Variants in TMEM200B observed in about 807,000 individuals in gnomAD.
The protein encoded by TMEM200B is transmembrane protein TTMA.
Under a neutral mutation model 17.6 loss-of-function variants are expected in TMEM200B, and 12 were observed. The ratio of observed to expected loss-of-function variants is 0.68; its 90% CI spans 0.44 to 1.11. The LOEUF is 1.11. TMEM200B is among the 50% of genes least tolerant of loss of function. The pLI is 0.00. For missense variants in TMEM200B, 456 were observed against 447.6 expected (o/e 1.02, Z -0.17); for synonymous variants, 234 against 209.2 (o/e 1.12, Z -1.02).
rs1574166355 is a variant in TMEM200B at position 29,120,797 on chromosome 1, C to T, written c.*108G>A. 6 of 1,355,038 alleles carry T rather than the reference C, an allele frequency of 4.4e-6. No individual in the cohort carries two copies. The Admixed American group carries it at 1.4e-4, about 32-fold the overall frequency. 83.9% of individuals were successfully genotyped at this position (1,355,038 alleles called of 1,614,324 possible). On this transcript the variant is annotated 3_prime_UTR_variant, in exon 2 of 2. Coordinates refer to ENST00000521452, the MANE Select transcript of TMEM200B (RefSeq NM_001003682.4). Reference sequence around the variant, plus strand: ...CTGCTGTGGTCAGAGCATCCATCCCCAGCCTGGGATGTGACTGAAACATCT... The same window carrying T: ...CTGCTGTGGTCAGAGCATCCATCCCTAGCCTGGGATGTGACTGAAACATCT...
rs1419003183 is a variant in TMEM200B, at chr1:29,121,330, A to G, written c.499T>C (p.Cys167Arg). 6.3e-7 allele frequency: 1 copy of G among 1,583,876 alleles called. No individual in the cohort carries two copies. The highest frequency in any genetic ancestry group is 8.6e-7 in the Non-Finnish European group (1 of 1,166,510). ...LRPPDGPGWD[C>R]ALLPSPGPRS... ...GGGCCGGGGCTGGGAAGGAGGGCGC[A>G]GTCCCAGCCCGGGCCGTCGGGGGGC... The change falls in exon 2 of 2, where the codon TGC becomes CGC. Residue 167 changes from cysteine to arginine, a missense_variant. Cys to Arg is a radical substitution (Grantham distance 180). Transcript: ENST00000521452. This position sits in a 1 kb window ranked among gnomAD's most constrained non-coding sequence, Gnocchi z 5.6.
chr1:29,122,912 C>G (rs1056482802), intron 1 of TMEM200B, among the ~76,000 whole-genome samples: 5 of 152,066 alleles, frequency 3.3e-5, no homozygotes, highest in Admixed American at 1.3e-4. Context: ...ATCCCGGGCC[C>G]AGCAGGAGTA....
intron 1 of TMEM200B, among the ~76,000 whole-genome samples, chr1:29,123,005 G>A (rs890451129): frequency 5.3e-5 from 8 of 152,214 alleles, no homozygotes; most frequent in African/African-American, 1.9e-4. Context: ...CCAGGCCGCA[G>A]GAGAGGAGGC....
At chr1:29,122,239 C>G (rs1371366795) in intron 1 of TMEM200B, 1 of 152,748 alleles carries the variant, frequency 6.5e-6, no homozygotes, top group East Asian at 1.9e-4. Context: ...GTAAGTACCT[C>G]CCGGGCTCGA....
chr1:29,122,075 A>G (rs1671828667), intron 1 of TMEM200B, among the ~76,000 whole-genome samples: 1 of 151,966 alleles, frequency 6.6e-6, no homozygotes, highest in Non-Finnish European at 1.5e-5. Flanking sequence ...CAGAAGCCGG[A>G]GTTGGCCCGG....
At chr1:29,122,314 G>A in intron 1 of TMEM200B, 1 of 153,106 alleles carries the variant, frequency 6.5e-6, no homozygotes, top group Non-Finnish European at 1.5e-5. Context: ...TCCCAGGTCC[G>A]CAGGGGTCGC....
At chr1:29,122,863 C>CGGGAG (rs2151803868) in intron 1 of TMEM200B, among the ~76,000 whole-genome samples, 1 of 152,382 alleles carries the variant, frequency 6.6e-6, no homozygotes, top group Non-Finnish European at 1.5e-5. Context: ...TAAGCCCTCC[C>CGGGAG]GATTGCTGGC....
chr1:29,122,962 C>T (rs186848552), intron 1 of TMEM200B, among the ~76,000 whole-genome samples: 2 of 152,334 alleles, frequency 1.3e-5, no homozygotes, highest in East Asian at 3.9e-4. Flanking sequence ...AAAGGGAGGG[C>T]GAGGGAGAAG....
In TMEM200B at chr1:29,119,816, G is replaced by A. The variant is rs1054159646; in HGVS notation, c.*1089C>T. 5.6e-5 allele frequency: 3 copies of A among 53,522 alleles called. No homozygotes were observed. The highest frequency in any genetic ancestry group is 1.8e-4 in the Non-Finnish European group (3 of 16,732). The allele number at this position is 53,522 out of a possible 1,614,324, so 3.3% of individuals were successfully genotyped here. On this transcript the variant is annotated 3_prime_UTR_variant, in exon 2 of 2. Transcript: ENST00000521452. ...TTGGTGACAAAAATGAAGGAGCTTT[G>A]TAAATTTTTTTTAAAATTATGAATC... is the stretch of plus-strand genomic sequence containing the variant.
chr1:29,121,696 G>A lies in TMEM200B; in HGVS notation c.133C>T (p.Arg45Trp), dbSNP rs1283966784. 8 of 1,300,578 alleles carry A rather than the reference G, an allele frequency of 6.2e-6. No individual in the cohort carries two copies. In the African/African-American group the frequency reaches 1.1e-4, roughly 18 times the overall value. The allele number at this position is 1,300,578 out of a possible 1,614,324, so 80.6% of individuals were successfully genotyped here. A position where few individuals can be genotyped will look rare whatever the true frequency, so the allele number is the denominator to read the frequency against. Reference sequence around the variant, plus strand: ...CCCGACGGCGAGCGCAGCCGCAGCCGCGCCCGCACCCGCAGAGGCTCGGGC... The same window carrying A: ...CCCGACGGCGAGCGCAGCCGCAGCCACGCCCGCACCCGCAGAGGCTCGGGC... ...SPPEPLRVRARLRLRSPSGAF... is the reference protein window; with the variant it reads ...SPPEPLRVRAWLRLRSPSGAF... Residue 45 changes from arginine to tryptophan, a missense_variant, in exon 2 of 2, where the codon CGG becomes TGG. Physicochemically the swap from Arg to Trp is moderately radical, Grantham distance 101. Transcript: ENST00000521452. This position sits in a 1 kb window ranked among gnomAD's most constrained non-coding sequence, Gnocchi z 5.6.
At position 29,121,668 on chromosome 1, in the gene TMEM200B, G is replaced by C. The variant is rs985744090; in HGVS notation, c.161C>G (p.Ala54Gly). 2 of 1,383,952 alleles carry C rather than the reference G, an allele frequency of 1.4e-6. No homozygotes were observed. Among genetic ancestry groups the C allele is most frequent in the Non-Finnish European group, 1.9e-6 (2 of 1,070,982 alleles). The allele number at this position is 1,383,952 out of a possible 1,614,324, so 85.7% of individuals were successfully genotyped here. ...ARLRLRSPSG[A>G]FAALGALVVL... ...CACGAGCGCCCCCAGCGCCGCGAAC[G>C]CCCCCGACGGCGAGCGCAGCCGCAG... Residue 54 changes from alanine (A) to glycine (G), a missense_variant, in exon 2 of 2, where the codon GCG becomes GGG. Coordinates refer to ENST00000521452, the MANE Select transcript of TMEM200B (RefSeq NM_001003682.4). This position sits in a 1 kb window ranked among gnomAD's most constrained non-coding sequence, Gnocchi z 5.6.
At position 29,120,143 on chromosome 1, in the gene TMEM200B, A is replaced by G. The variant is rs575710; in HGVS notation, c.*762T>C. 19,381 of 152,580 alleles carry G rather than the reference A, an allele frequency of 0.13. 1,756 individuals carry two copies. Among genetic ancestry groups the G allele is most frequent in the African/African-American group, 0.26 (10,924 of 41,486 alleles). 9.5% of individuals were successfully genotyped at this position (152,580 alleles called of 1,614,324 possible). ...GAGACCTAAACTCAAGTCATTTTCTAAAGTAAGTTACCCACATTGACCAAA... is the reference window on the plus strand; with the variant it reads ...GAGACCTAAACTCAAGTCATTTTCTGAAGTAAGTTACCCACATTGACCAAA... On this transcript the variant is annotated 3_prime_UTR_variant, in exon 2 of 2. Coordinates refer to ENST00000521452, the MANE Select transcript of TMEM200B (RefSeq NM_001003682.4).
In TMEM200B at chr1:29,121,103, G is replaced by T; in HGVS notation, c.726C>A (p.Gly242=). The change falls in exon 2 of 2, where the codon GGC becomes GGA. Residue 242 remains glycine, a synonymous_variant. Coordinates refer to ENST00000521452, the MANE Select transcript of TMEM200B (RefSeq NM_001003682.4). The surrounding 1 kb of genome is among the most constrained non-coding windows in gnomAD (Gnocchi z 5.6). ...ACGGCTGCACGGTGATGATCACATG[G>T]CCAGTCTGCGTCCGTGGACCCCAGG... is the stretch of plus-strand genomic sequence containing the variant. The part of the protein sequence containing the change: ...PPPWGPRTQT[G]HVIITVQPSG... 1 of 1,613,876 alleles carries T rather than the reference G, an allele frequency of 6.2e-7. No individual in the cohort carries two copies. The highest frequency in any genetic ancestry group is 8.5e-7 in the Non-Finnish European group (1 of 1,180,028).
At chr1:29,122,110 G>T (rs1162583569) in intron 1 of TMEM200B, among the ~76,000 whole-genome samples, 1 of 152,178 alleles carries the variant, frequency 6.6e-6, no homozygotes, top group Non-Finnish European at 1.5e-5. Context: ...GGAGGGAGGG[G>T]GGCGCAGGCT....
In TMEM200B at chr1:29,119,967, G is replaced by C. The variant is rs994910184; in HGVS notation, c.*938C>G. Reference sequence around the variant, plus strand: ...TGTTTTGGCCTTTCGTAGTAGAAGTGGTTGTAGTGTTTAGATATCTGTTTG... The same window carrying C: ...TGTTTTGGCCTTTCGTAGTAGAAGTCGTTGTAGTGTTTAGATATCTGTTTG... On this transcript the variant is annotated 3_prime_UTR_variant, in exon 2 of 2. Transcript: ENST00000521452. 3.3e-5 allele frequency: 5 copies of C among 152,592 alleles called. No homozygotes were observed. The highest frequency in any genetic ancestry group is 7.3e-5 in the Non-Finnish European group (5 of 68,036). 9.5% of individuals were successfully genotyped at this position (152,592 alleles called of 1,614,324 possible).
chr1:29,123,335 G>C (rs1182489362), intron 1 of TMEM200B, among the ~76,000 whole-genome samples: 1 of 152,310 alleles, frequency 6.6e-6, no homozygotes, highest in Admixed American at 6.5e-5. Flanking sequence ...CCGGGCTCCG[G>C]GGCCCCAGCC....
intron 1 of TMEM200B, 45 bp downstream of exon 1, chr1:29,123,811 T>A (rs943562765): frequency 6.6e-6 from 1 of 150,924 alleles, no homozygotes; most frequent in African/African-American, 2.4e-5. Context: ...AAACGAAAAG[T>A]TGGGAAAAGT....
chr1:29,123,567 G>A (rs996957449), intron 1 of TMEM200B, among the ~76,000 whole-genome samples: 7 of 152,102 alleles, frequency 4.6e-5, no homozygotes, highest in African/African-American at 1.4e-4. Context: ...GGGGACATGG[G>A]GACACGCTCA....
In TMEM200B at chr1:29,120,805, G is replaced by T; in HGVS notation, c.*100C>A. On this transcript the variant is annotated 3_prime_UTR_variant, in exon 2 of 2. Coordinates refer to ENST00000521452, the MANE Select transcript of TMEM200B (RefSeq NM_001003682.4). ...GTCAGAGCATCCATCCCCAGCCTGG[G>T]ATGTGACTGAAACATCTATTAGACG... The T allele has an allele frequency of 7.2e-7, 1 of 1,385,760 alleles. No homozygotes were observed. Among genetic ancestry groups the T allele is most frequent in the Non-Finnish European group, 9.6e-7 (1 of 1,039,092 alleles). 85.8% of individuals were successfully genotyped at this position (1,385,760 alleles called of 1,614,324 possible).
Sources: allele counts gnomAD v4.1 joint callset (sites outside exome capture counted in the v4.1 genomes callset), GRCh38; gene constraint gnomAD v4.1.1; non-coding constraint Gnocchi (gnomAD v3.1); transcripts MANE v1.5; gene names NCBI Gene and HGNC (gene_info 2026-07-23, HGNC 2026-07-21).